PTPRJ: variants seen among roughly 807,000 people sequenced by gnomAD.
The protein encoded by PTPRJ is receptor-type tyrosine-protein phosphatase eta.
In PTPRJ, 129 loss-of-function variants were observed where a neutral mutation model predicts 141.3. The ratio of observed to expected loss-of-function variants is 0.91; its 90% CI spans 0.79 to 1.06. The LOEUF (loss-of-function observed/expected upper bound fraction) is 1.06. Ranked by LOEUF, PTPRJ falls within the 50% of genes least tolerant of loss-of-function variation. The pLI is 0.00. For missense variants in PTPRJ, 1,601 were observed against 1,679.7 expected, an observed-to-expected ratio of 0.95 and a Z score of 0.82; for synonymous variants, 610 against 640.5, an observed-to-expected ratio of 0.95 and a Z score of 0.72.
rs995287275 is a variant in PTPRJ at position 48,024,742 on chromosome 11, C to T, written c.96+43734C>T. Among the ~76,000 whole-genome samples, 5 of 152,220 alleles carry T rather than the reference C, an allele frequency of 3.3e-5. No homozygotes were observed. The East Asian group carries it at 5.8e-4, about 18-fold the overall frequency. On this transcript the variant is annotated intron_variant, in intron 1 of 24. Coordinates refer to ENST00000418331, the MANE Select transcript of PTPRJ (RefSeq NM_002843.4). ...AATGTATGTGGATTGCTGAGTTTCA[C>T]GCATGAGCTGTGTTGTCATTTCATT...
At chr11:48,025,878 C>G (rs1853794511) in intron 1 of PTPRJ, among the ~76,000 whole-genome samples, 1 of 152,168 alleles carries the variant, frequency 6.6e-6, no homozygotes, top group Non-Finnish European at 1.5e-5. Flanking sequence ...GCCGGGTGTT[C>G]CCAAGACATG....
intron 1 of PTPRJ, among the ~76,000 whole-genome samples, chr11:48,069,035 A>G (rs2134269936): frequency 6.6e-6 from 1 of 152,212 alleles, no homozygotes; most frequent in East Asian, 1.9e-4. Flanking sequence ...CAACCTTGAA[A>G]TCACCCTAGG....
intron 2 of PTPRJ, among the ~76,000 whole-genome samples, chr11:48,111,123 C>CA (rs1491286065): frequency 2.7e-5 from 4 of 150,942 alleles, no homozygotes; most frequent in Non-Finnish European, 4.4e-5. Flanking sequence ...CTAAAAATAC[C>CA]AAAAAAATTA....
intron 19 of PTPRJ, 48 bp downstream of exon 19, chr11:48,153,934 A>G: frequency 1.5e-6 from 2 of 1,307,680 alleles, no homozygotes; most frequent in Non-Finnish European, 2.2e-6. Context: ...ATCAGTGGCC[A>G]TCACATCTCT....
intron 1 of PTPRJ, among the ~76,000 whole-genome samples, chr11:48,038,382 C>A (rs7116563): frequency 0.054 from 8,207 of 152,174 alleles, 701 homozygotes; most frequent in African/African-American, 0.18. Flanking sequence ...GTTTCCCTCC[C>A]TTCAGCATCA....
At chr11:48,134,084 T>G (rs1196417112) in intron 8 of PTPRJ, among the ~76,000 whole-genome samples, 1 of 152,128 alleles carries the variant, frequency 6.6e-6, no homozygotes, top group Non-Finnish European at 1.5e-5. Context: ...CACTGACAAA[T>G]GGTTAAGATG....
chr11:48,052,865 C>G (rs889333842), intron 1 of PTPRJ, among the ~76,000 whole-genome samples: 1 of 151,604 alleles, frequency 6.6e-6, no homozygotes, highest in African/African-American at 2.4e-5. Context: ...CAGCTGTGCC[C>G]TCTCCACCAC....
At chr11:48,018,525 C>T (rs567729262) in intron 1 of PTPRJ, among the ~76,000 whole-genome samples, 1 of 152,122 alleles carries the variant, frequency 6.6e-6, no homozygotes, top group East Asian at 1.9e-4. Context: ...TTTTTTCTTA[C>T]CACATGTAAG....
intron 1 of PTPRJ, among the ~76,000 whole-genome samples, chr11:47,981,225 G>A (rs1853896703): frequency 6.6e-6 from 1 of 152,138 alleles, no homozygotes; most frequent in Non-Finnish European, 1.5e-5. Context: ...GAGAGAGGCG[G>A]GATCCGGGTG....
At chr11:48,013,214 A>AC (rs1258953342) in intron 1 of PTPRJ, among the ~76,000 whole-genome samples, 3 of 151,630 alleles carry the variant, frequency 2.0e-5, no homozygotes, top group Non-Finnish European at 2.9e-5. Flanking sequence ...GCTCATGTTC[A>AC]CCCCCAGGCC....
chr11:48,126,088 C>G (rs895360307), intron 6 of PTPRJ, among the ~76,000 whole-genome samples: 1 of 152,002 alleles, frequency 6.6e-6, no homozygotes, highest in Non-Finnish European at 1.5e-5. Context: ...GTGTCCTGCA[C>G]ATGGTAAGCT....
rs769439087 is a variant in PTPRJ, at chr11:48,112,873, C to G, written c.242C>G (p.Thr81Arg). 58 of 1,614,154 alleles carry G rather than the reference C, an allele frequency of 3.6e-5. 1 individual carries two copies. The South Asian group carries it at 5.6e-4, about 16-fold the overall frequency. Residue 81 changes from threonine to arginine, a missense_variant, in exon 3 of 25, where the codon ACA becomes AGA. Physicochemically the swap from Thr to Arg is moderately conservative, Grantham distance 71. Coordinates refer to ENST00000418331, the MANE Select transcript of PTPRJ (RefSeq NM_002843.4). The part of the protein sequence containing the change: ...QNGTGTPQVE[T>R]NTSEDGESSG... ...GGAACTGGAACACCTCAGGTGGAAA[C>G]AAACACCAGTGAGGATGGTGAAAGC...
chr11:48,040,133 C>T (rs956085852), intron 1 of PTPRJ, among the ~76,000 whole-genome samples: 8 of 152,140 alleles, frequency 5.3e-5, no homozygotes, highest in Non-Finnish European at 1.0e-4. Flanking sequence ...TGTCCCCGAG[C>T]GTCTCTGAGT....
Position 48,139,778 on chromosome 11 carries a change from T to TG in PTPRJ, c.2443+5dup, listed in dbSNP as rs1336901547. ...ACACCTGCACTACTGGCATCACAGG[T>TG]GGGCTACAAGGCAGGGGCTGGTCAG... On this transcript the variant is annotated splice_region_variant and intron_variant, in intron 11 of 24. Coordinates refer to ENST00000418331, the MANE Select transcript of PTPRJ (RefSeq NM_002843.4). 1 of 1,613,594 alleles carries TG rather than the reference T, an allele frequency of 6.2e-7. No homozygotes were observed. The highest frequency in any genetic ancestry group is 1.7e-5 in the Admixed American group (1 of 60,018).
chr11:48,147,028 T>A (rs1431844874), intron 15 of PTPRJ, 65 bp downstream of exon 15: 8 of 1,390,464 alleles, frequency 5.8e-6, no homozygotes, highest in South Asian at 4.6e-5. Context: ...AAGGAACATT[T>A]CAAACTTTGA....
intron 1 of PTPRJ, among the ~76,000 whole-genome samples, chr11:48,021,576 A>G (rs946226706): frequency 6.6e-6 from 1 of 152,014 alleles, no homozygotes; most frequent in Non-Finnish European, 1.5e-5. Flanking sequence ...AATGGGTTGT[A>G]AAATTTCAGC....
chr11:48,022,383 G>C (rs1855150644), intron 1 of PTPRJ, among the ~76,000 whole-genome samples: 2 of 151,920 alleles, frequency 1.3e-5, no homozygotes, highest in Admixed American at 6.6e-5. Context: ...AGAATCGCTT[G>C]AACCTGGGAG....
chr11:48,135,009 A>C (rs1003852269), intron 8 of PTPRJ, among the ~76,000 whole-genome samples: 1 of 152,110 alleles, frequency 6.6e-6, no homozygotes, highest in Non-Finnish European at 1.5e-5. Flanking sequence ...AAACACAACA[A>C]AACAAAAAAA....
chr11:48,030,221 G>A (rs1392569245), intron 1 of PTPRJ, among the ~76,000 whole-genome samples: 1 of 152,288 alleles, frequency 6.6e-6, no homozygotes, highest in Non-Finnish European at 1.5e-5. Flanking sequence ...TGTTACTTAG[G>A]ATTAACTTTA....
Sources: allele counts gnomAD v4.1 joint callset (sites outside exome capture counted in the v4.1 genomes callset), GRCh38; gene constraint gnomAD v4.1.1; transcripts MANE v1.5; gene names NCBI Gene and HGNC (gene_info 2026-07-23, HGNC 2026-07-21).